Variants in ST3GAL2 observed in about 807,000 individuals in gnomAD.
ST3GAL2 encodes CMP-N-acetylneuraminate-beta-galactosamide-alpha-2,3-sialyltransferase 2.
A neutral mutation model predicts 37.5 loss-of-function variants in ST3GAL2; 16 were observed. That is an observed-to-expected ratio of 0.43 (90% CI 0.29 to 0.65). The LOEUF (loss-of-function observed/expected upper bound fraction) is 0.65. Among genes scored for constraint, ST3GAL2 ranks in the 30% least tolerant of loss-of-function variants. The probability of loss-of-function intolerance (pLI) is 0.17; values close to 1 mark genes in which losing one functional copy is unlikely to be tolerated. For missense variants in ST3GAL2, 383 were observed against 487.8 expected, an observed-to-expected ratio of 0.79 and a Z score of 2.02; for synonymous variants, 238 against 202.9, an observed-to-expected ratio of 1.17 and a Z score of -1.47.
intron 1 of ST3GAL2, among the ~76,000 whole-genome samples, chr16:70,416,250 G>C (rs1313750907): frequency 6.6e-6 from 1 of 152,172 alleles, no homozygotes; most frequent in Non-Finnish European, 1.5e-5. Context: ...CATGCAGCGA[G>C]GTCAAGATCT....
chr16:70,433,986 C>A (rs1567679292), intron 1 of ST3GAL2, among the ~76,000 whole-genome samples: 1 of 152,220 alleles, frequency 6.6e-6, no homozygotes, highest in Non-Finnish European at 1.5e-5. Flanking sequence ...ATCCCAAATG[C>A]CTTTTCTGAG....
rs377618704 is a variant in ST3GAL2 at position 70,398,059 on chromosome 16, A to T, written c.339+133T>A. 1.1e-5 allele frequency: 10 copies of T among 924,674 alleles called. No homozygotes were observed. In the Admixed American group the frequency reaches 2.7e-4, roughly 25 times the overall value. The allele number at this position is 924,674 out of a possible 1,614,324, so 57.3% of individuals were successfully genotyped here. The stretch of plus-strand genomic sequence containing the variant: ...GTCAGTGCTTGCTCTGCCCTTCAGT[A>T]ATCTGTGATCCTATAAATGGCTTGG... On this transcript the variant is annotated intron_variant, in intron 2 of 6. Transcript: ENST00000342907.
intron 1 of ST3GAL2, among the ~76,000 whole-genome samples, chr16:70,429,808 A>AT (rs1465608851): frequency 6.6e-6 from 1 of 151,432 alleles, no homozygotes; most frequent in Non-Finnish European, 1.5e-5. Flanking sequence ...CACCCGGCTA[A>AT]TTTTTTGTAT....
At chr16:70,401,904 G>A (rs1357851961) in intron 1 of ST3GAL2, among the ~76,000 whole-genome samples, 5 of 145,140 alleles carry the variant, frequency 3.4e-5, no homozygotes, top group Non-Finnish European at 5.9e-5. Flanking sequence ...TTAGGCAGGA[G>A]AATCACTTGA....
At chr16:70,432,493 C>T (rs2047798092) in intron 1 of ST3GAL2, among the ~76,000 whole-genome samples, 2 of 150,718 alleles carry the variant, frequency 1.3e-5, no homozygotes, top group Non-Finnish European at 1.5e-5. Context: ...AGGTCCACAA[C>T]GGCAACATGG....
At chr16:70,434,061 G>A (rs2047808386) in intron 1 of ST3GAL2, among the ~76,000 whole-genome samples, 1 of 152,064 alleles carries the variant, frequency 6.6e-6, no homozygotes, top group African/African-American at 2.4e-5. Context: ...TCTATTGGTG[G>A]ACTCGTCTTA....
chr16:70,396,475 C>T (rs1344738247), intron 2 of ST3GAL2, among the ~76,000 whole-genome samples: 3 of 152,028 alleles, frequency 2.0e-5, no homozygotes, highest in Admixed American at 6.6e-5. Flanking sequence ...CGTGGTGGCA[C>T]GTGCCTGTAG....
chr16:70,430,532 C>T (rs77614123), intron 1 of ST3GAL2, among the ~76,000 whole-genome samples: 1 of 152,208 alleles, frequency 6.6e-6, no homozygotes, highest in Non-Finnish European at 1.5e-5. Context: ...GCCCCCTTCA[C>T]GAGGGGAGCC....
intron 3 of ST3GAL2, among the ~76,000 whole-genome samples, chr16:70,389,628 C>G (rs1264218964): frequency 6.6e-6 from 1 of 152,116 alleles, no homozygotes; most frequent in African/African-American, 2.4e-5. Flanking sequence ...CTACGTCCAG[C>G]TAATTTTTTG....
At chr16:70,394,032 GA>G (rs1168624502) in intron 3 of ST3GAL2, among the ~76,000 whole-genome samples, 1 of 152,164 alleles carries the variant, frequency 6.6e-6, no homozygotes, top group Non-Finnish European at 1.5e-5. Context: ...GTCAAGGGGG[GA>G]TGTCAGAAAA....
intron 1 of ST3GAL2, among the ~76,000 whole-genome samples, chr16:70,423,536 C>T (rs904256651): frequency 2.6e-5 from 4 of 151,952 alleles, no homozygotes; most frequent in African/African-American, 9.7e-5. Context: ...AAAGTCAGTA[C>T]TCCATACTGG....
chr16:70,417,897 T>G (rs1180530384), intron 1 of ST3GAL2, among the ~76,000 whole-genome samples: 1 of 152,118 alleles, frequency 6.6e-6, no homozygotes, highest in Non-Finnish European at 1.5e-5. Context: ...TGGACCACAC[T>G]ACCTCCCGGG....
Position 70,395,125 on chromosome 16 carries a change from C to T in ST3GAL2, c.390G>A (p.Lys130=). The change falls in exon 3 of 7, where the codon AAG becomes AAA. Residue 130 remains lysine, a synonymous_variant. Transcript: ENST00000342907. ...KSHNTNEVLE[K]LFQIVPGENP... is the part of the protein sequence containing the mutation. ...TCTCGCCAGGCACTATCTGGAACAG[C>T]TTCTCCAGCACCTCATTGGTGTTGT... is the stretch of plus-strand genomic sequence containing the variant. 1 of 1,613,264 alleles carries T rather than the reference C, an allele frequency of 6.2e-7. No homozygotes were observed. Among genetic ancestry groups the T allele is most frequent in the South Asian group, 1.1e-5 (1 of 90,936 alleles).
chr16:70,429,588 CAAAAAAAAAA>C (rs1173306093), intron 1 of ST3GAL2, among the ~76,000 whole-genome samples: 1 of 36,064 alleles, frequency 2.8e-5, no homozygotes, highest in Non-Finnish European at 5.8e-5. Context: ...GACTCTGTCT[CAAAAAAAAAA>C]AAAAAAAAAA....
Position 70,377,642 on chromosome 16 carries a change from G to A in ST3GAL2, c.*4047C>T, listed in dbSNP as rs1325869305. Reference sequence around the variant, plus strand: ...GTTCAAGACCAGCCTGGCCAACATGGTGAAACCCCGTCTCTACTAAAAATA... The same window carrying A: ...GTTCAAGACCAGCCTGGCCAACATGATGAAACCCCGTCTCTACTAAAAATA... On this transcript the variant is annotated 3_prime_UTR_variant, in exon 7 of 7. Transcript: ENST00000342907. 1 of 152,044 alleles carries A rather than the reference G, an allele frequency of 6.6e-6. No homozygotes were observed. The highest frequency in any genetic ancestry group is 6.6e-5 in the Admixed American group (1 of 15,224). 9.4% of individuals were successfully genotyped at this position (152,044 alleles called of 1,614,324 possible). A position where few individuals can be genotyped will look rare whatever the true frequency, so the allele number is the denominator to read the frequency against.
At chr16:70,397,006 A>G (rs898660885) in intron 2 of ST3GAL2, among the ~76,000 whole-genome samples, 2 of 150,786 alleles carry the variant, frequency 1.3e-5, no homozygotes, top group Admixed American at 6.6e-5. Flanking sequence ...ATTTCATAAA[A>G]TAGATTAAGT....
intron 3 of ST3GAL2, among the ~76,000 whole-genome samples, chr16:70,390,508 C>A (rs566380566): frequency 7.9e-4 from 121 of 152,368 alleles, no homozygotes; most frequent in African/African-American, 2.9e-3. Flanking sequence ...AGGCCCTGGG[C>A]CGGATGGAAG....
chr16:70,427,340 T>G lies in ST3GAL2; in HGVS notation c.-1004+11609A>C, dbSNP rs1310903416. ...TCAAGCCCCTCAAACCCAGTCTTCT[T>G]TTTTTTTTTTTTTTTTGAGACTGAA... On this transcript the variant is annotated intron_variant, in intron 1 of 6. Transcript: ENST00000342907. Among the ~76,000 whole-genome samples, 4 of 126,304 alleles carry G rather than the reference T, an allele frequency of 3.2e-5. No individual in the cohort carries two copies. The East Asian group carries it at 8.0e-4, about 25-fold the overall frequency. The allele number at this position is 126,304 out of a possible 152,430, so 82.9% of individuals were successfully genotyped here.
In ST3GAL2 at chr16:70,408,516, C is replaced by A. The variant is rs147093749; in HGVS notation, c.-1003-8983G>T. 7.0e-4 allele frequency among the ~76,000 whole-genome samples: 106 copies of A among 152,152 alleles called. 1 individual carries two copies. Among genetic ancestry groups the A allele is most frequent in the African/African-American group, 2.4e-3 (101 of 41,510 alleles). ...GTCTGAGAATGGGCCGCTTCACCAC[C>A]CTGCTTGGTTAACTGAAGTCACCCG... On this transcript the variant is annotated intron_variant, in intron 1 of 6. Transcript: ENST00000342907.
Sources: allele counts gnomAD v4.1 joint callset (sites outside exome capture counted in the v4.1 genomes callset), GRCh38; gene constraint gnomAD v4.1.1; transcripts MANE v1.5; gene names NCBI Gene and HGNC (gene_info 2026-07-23, HGNC 2026-07-21).